The following AIRE variants were observed in gnomAD, a reference collection of about 807,000 sequenced individuals.
The protein encoded by AIRE is autoimmune regulator.
A neutral mutation model predicts 62.1 loss-of-function variants in AIRE; 52 were observed. That is an observed-to-expected ratio of 0.84 (90% confidence interval 0.67 to 1.06). The LOEUF (loss-of-function observed/expected upper bound fraction) is 1.06, where lower values mean the gene tolerates loss of function less well. AIRE is among the 50% of genes least tolerant of loss of function. AIRE has a pLI of 0.00. For missense variants in AIRE, 774 were observed against 755.8 expected, an observed-to-expected ratio of 1.02 and a Z score of -0.28; for synonymous variants, 342 against 321.6, an observed-to-expected ratio of 1.06 and a Z score of -0.68.
Position 44,292,951 on chromosome 21 carries a change from C to A in AIRE, c.1096-42C>A, listed in dbSNP as rs762663411. The A allele has an allele frequency of 1.9e-6, 3 of 1,593,720 alleles. No individual in the cohort carries two copies. The Admixed American group carries it at 5.0e-5, about 27-fold the overall frequency. On this transcript the variant is annotated intron_variant, in intron 9 of 13. Coordinates refer to ENST00000291582, the MANE Select transcript of AIRE (RefSeq NM_000383.4). ...TCACTGACTCCTGGGTGGTGCCGGG[C>A]AGGCGCCCGCTGCCCCTCTGATGCT...
Position 44,286,128 on chromosome 21 carries a change from A to G in AIRE, c.122A>G (p.Asp41Gly), listed in dbSNP as rs1456640739. The G allele has an allele frequency of 5.2e-6, 8 of 1,547,092 alleles. No individual in the cohort carries two copies. Among genetic ancestry groups the G allele is most frequent in the Middle Eastern group, 1.7e-4 (1 of 5,848 alleles). ...ALADHDVVPE[D>G]KFQETLHLKE... ...GCTGACCACGACGTGGTCCCCGAGG[A>G]CAAGTTTCAGGTGGGCTCCCCGCCC... Residue 41 changes from aspartate (D) to glycine (G), a missense_variant, in exon 1 of 14, where the codon GAC (aspartate) becomes GGC (glycine). Asp to Gly is a moderately conservative substitution (Grantham distance 94). Coordinates refer to ENST00000291582, the MANE Select transcript of AIRE (RefSeq NM_000383.4). The surrounding 1 kb of genome is among the most constrained non-coding windows in gnomAD (Gnocchi z 6.0).
intron 5 of AIRE, 25 bp from the exon 6 acceptor site, chr21:44,289,632 A>G (rs1341124503): frequency 6.2e-7 from 1 of 1,612,526 alleles, no homozygotes; most frequent in Non-Finnish European, 8.5e-7. Flanking sequence ...CGGGTGAGCC[A>G]GGACCAGCCG....
chr21:44,293,289 G>C, intron 10 of AIRE, 114 bp downstream of exon 10: 2 of 1,116,970 alleles, frequency 1.8e-6, no homozygotes, highest in Non-Finnish European at 2.5e-6. Flanking sequence ...GGCTCCGGGA[G>C]GCACAGGGCC....
Position 44,297,846 on chromosome 21 carries a change from T to C in AIRE, c.*119T>C, listed in dbSNP as rs555065854. ...AGGGGACAGCGCCACCTCTTGTCAG[T>C]GCTCGGCTGTAAACAGCTCTGTGTT... On this transcript the variant is annotated 3_prime_UTR_variant, in exon 14 of 14. Transcript: ENST00000291582. This position sits in a 1 kb window ranked among gnomAD's most constrained non-coding sequence, Gnocchi z 4.8. 6 of 936,894 alleles carry C rather than the reference T, an allele frequency of 6.4e-6. No individual in the cohort carries two copies. In the African/African-American group the frequency reaches 6.5e-5, roughly 10 times the overall value. 58.0% of individuals were successfully genotyped at this position (936,894 alleles called of 1,614,324 possible).
At chr21:44,288,560 G>A (rs75039713) in intron 5 of AIRE, 102 bp downstream of exon 5, 18 of 839,566 alleles carry the variant, frequency 2.1e-5, no homozygotes, top group African/African-American at 1.8e-4. Flanking sequence ...ACAGCAGACC[G>A]GACTGTTGCT....
Position 44,297,851 on chromosome 21 carries a change from G to A in AIRE, c.*124G>A, listed in dbSNP as rs1024619902. On this transcript the variant is annotated 3_prime_UTR_variant, in exon 14 of 14. Transcript: ENST00000291582. This position sits in a 1 kb window ranked among gnomAD's most constrained non-coding sequence, Gnocchi z 4.8. ...ACAGCGCCACCTCTTGTCAGTGCTCGGCTGTAAACAGCTCTGTGTTTCTGG... is the reference window on the plus strand; with the variant it reads ...ACAGCGCCACCTCTTGTCAGTGCTCAGCTGTAAACAGCTCTGTGTTTCTGG... 4 of 884,790 alleles carry A rather than the reference G, an allele frequency of 4.5e-6. No individual in the cohort carries two copies. Among genetic ancestry groups the A allele is most frequent in the African/African-American group, 1.7e-5 (1 of 60,332 alleles). The allele number at this position is 884,790 out of a possible 1,614,324, so 54.8% of individuals were successfully genotyped here. A position where few individuals can be genotyped will look rare whatever the true frequency, so the allele number is the denominator to read the frequency against.
chr21:44,294,044 C>A, intron 11 of AIRE, 134 bp downstream of exon 11: 1 of 1,215,026 alleles, frequency 8.2e-7, no homozygotes, highest in Non-Finnish European at 1.1e-6. Flanking sequence ...ACACCTTGCA[C>A]CCCACCCCAC....
rs1320735277 is a variant in AIRE at position 44,293,900 on chromosome 21, T to C, written c.1390T>C (p.Ser464Pro). The C allele has an allele frequency of 3.8e-6, 6 of 1,596,530 alleles. No individual in the cohort carries two copies. Among genetic ancestry groups the C allele is most frequent in the Non-Finnish European group, 5.1e-6 (6 of 1,179,478 alleles). ...GCGCTGCCACTTCCCAGCCGGCACC[T>C]CCCGGCCCGGGTGAGTGAGCGTGGT... The part of the protein sequence containing the change: ...HWRCHFPAGT[S>P]RPGTGLRCRS... Residue 464 changes from serine to proline, a missense_variant, in exon 11 of 14, where the codon TCC becomes CCC. Physicochemically the swap from Ser to Pro is moderately conservative, Grantham distance 74 (BLOSUM62 -1). This residue lies in a region of AIRE where 354 missense variants were observed against 296.1 expected (regional missense o/e 1.20). Coordinates refer to ENST00000291582, the MANE Select transcript of AIRE (RefSeq NM_000383.4).
intron 11 of AIRE, 38 bp from the exon 12 acceptor site, chr21:44,294,363 C>T (rs376163906): frequency 2.1e-6 from 3 of 1,408,942 alleles, no homozygotes; most frequent in Non-Finnish European, 2.9e-6. Flanking sequence ...CACTCCTGCT[C>T]CCCCCCAGGG....
rs371017659 is a variant in AIRE at position 44,286,768 on chromosome 21, G to C, written c.307+37G>C. On this transcript the variant is annotated intron_variant, in intron 2 of 13. Coordinates refer to ENST00000291582, the MANE Select transcript of AIRE (RefSeq NM_000383.4). The surrounding 1 kb of genome is among the most constrained non-coding windows in gnomAD (Gnocchi z 6.0). The stretch of plus-strand genomic sequence containing the variant: ...TGGACTCAGCCATGCTGGGGGCCTG[G>C]GGCAGCTGCTGTCACCTGCTCAGCC... 1 of 1,609,182 alleles carries C rather than the reference G, an allele frequency of 6.2e-7. No individual in the cohort carries two copies. Among genetic ancestry groups the C allele is most frequent in the Non-Finnish European group, 8.5e-7 (1 of 1,177,264 alleles).
chr21:44,288,667 G>C (rs562704578), intron 5 of AIRE: 1 of 567,074 alleles, frequency 1.8e-6, no homozygotes, highest in Non-Finnish European at 3.2e-6. Context: ...CAAGGCCAGC[G>C]GTCCAGGCCC....
chr21:44,291,819 T>G (rs935468438), intron 8 of AIRE, among the ~76,000 whole-genome samples: 1 of 152,026 alleles, frequency 6.6e-6, no homozygotes, highest in Non-Finnish European at 1.5e-5. Flanking sequence ...AGCCCCTGAG[T>G]GGCCGTCATC....
At chr21:44,288,268 G>A in intron 4 of AIRE, 77 bp from the exon 5 acceptor site, 2 of 1,226,678 alleles carry the variant, frequency 1.6e-6, no homozygotes, top group South Asian at 2.4e-5. Flanking sequence ...GCCCAGTGCT[G>A]CCTGCTTCTG....
Position 44,293,813 on chromosome 21 carries a change from G to A in AIRE, c.1303G>A (p.Gly435Arg), listed in dbSNP as rs373993732. ...GAACCTGGCTCCTGGTGCGCGTTGC[G>A]GGGTGTGCGGAGATGGTACGGACGT... ...QQNLAPGARC[G>R]VCGDGTDVLR... Residue 435 changes from glycine to arginine, a missense_variant, in exon 11 of 14, where the codon GGG becomes AGG. This residue lies in a region of AIRE where 354 missense variants were observed against 296.1 expected (regional missense o/e 1.20). Coordinates refer to ENST00000291582, the MANE Select transcript of AIRE (RefSeq NM_000383.4). 119 of 1,596,698 alleles carry A rather than the reference G, an allele frequency of 7.5e-5. No individual in the cohort carries two copies. The African/African-American group carries it at 1.1e-3, about 15-fold the overall frequency.
intron 12 of AIRE, among the ~76,000 whole-genome samples, 162 bp downstream of exon 12, chr21:44,294,665 C>T (rs1489450074): frequency 6.6e-6 from 1 of 152,196 alleles, no homozygotes; most frequent in African/African-American, 2.4e-5. Context: ...AAAATATTTC[C>T]CCTTTAAACC....
chr21:44,291,029 G>C, intron 7 of AIRE, 66 bp from the exon 8 acceptor site: 2 of 1,613,538 alleles, frequency 1.2e-6, no homozygotes, highest in Non-Finnish European at 1.7e-6. Context: ...TTTTGGGAAG[G>C]AGGTGGCTCT....
chr21:44,295,394 T>TA (rs1247924681), intron 12 of AIRE, among the ~76,000 whole-genome samples: 4 of 152,202 alleles, frequency 2.6e-5, no homozygotes, highest in Non-Finnish European at 4.4e-5. Flanking sequence ...GACCCAGCCC[T>TA]GCCCTTGGGG....
In AIRE at chr21:44,286,327, C is replaced by T. The variant is rs2040481472; in HGVS notation, c.132+189C>T. On this transcript the variant is annotated intron_variant, in intron 1 of 13. Coordinates refer to ENST00000291582, the MANE Select transcript of AIRE (RefSeq NM_000383.4). The surrounding 1 kb of genome is among the most constrained non-coding windows in gnomAD (Gnocchi z 6.0). The stretch of plus-strand genomic sequence containing the variant: ...AAGTTGGTCCCCTTCCCCCAGCCGT[C>T]CCCACACCTCACCCCCAAGCCAAGG... Among the ~76,000 whole-genome samples the T allele has an allele frequency of 6.6e-6, 1 of 151,698 alleles. No individual in the cohort carries two copies. The highest frequency in any genetic ancestry group is 6.6e-5 in the Admixed American group (1 of 15,240).
rs1601964201 is a variant in AIRE at position 44,286,338 on chromosome 21, A to C, written c.132+200A>C. Among the ~76,000 whole-genome samples, 1 of 128,672 alleles carries C rather than the reference A, an allele frequency of 7.8e-6. No homozygotes were observed. Among genetic ancestry groups the C allele is most frequent in the East Asian group, 2.2e-4 (1 of 4,546 alleles). 84.4% of individuals were successfully genotyped at this position (128,672 alleles called of 152,430 possible). On this transcript the variant is annotated intron_variant, in intron 1 of 13. Coordinates refer to ENST00000291582, the MANE Select transcript of AIRE (RefSeq NM_000383.4). The surrounding 1 kb of genome is among the most constrained non-coding windows in gnomAD (Gnocchi z 6.0). ...CTTCCCCCAGCCGTCCCCACACCTCACCCCCAAGCCAAGGGAATGGCCTCC... is the reference window on the plus strand; with the variant it reads ...CTTCCCCCAGCCGTCCCCACACCTCCCCCCCAAGCCAAGGGAATGGCCTCC...
Sources: allele counts gnomAD v4.1 joint callset (sites outside exome capture counted in the v4.1 genomes callset), GRCh38; gene constraint gnomAD v4.1.1; regional missense constraint gnomAD v4.1.1; non-coding constraint Gnocchi (gnomAD v3.1); transcripts MANE v1.5; gene names NCBI Gene and HGNC (gene_info 2026-07-23, HGNC 2026-07-21).